Variants in SELENOI observed in about 807,000 individuals in gnomAD.
SELENOI encodes ethanolaminephosphotransferase 1.
Under a neutral mutation model 50.7 loss-of-function variants are expected in SELENOI, and 24 were observed. The observed-to-expected ratio is 0.47, with a 90% CI of 0.34 to 0.67. The LOEUF (loss-of-function observed/expected upper bound fraction) is 0.67. Among genes scored for constraint, SELENOI ranks in the 30% least tolerant of loss-of-function variants. The pLI is 0.01. For synonymous variants in SELENOI, 155 were observed against 170.2 expected, an observed-to-expected ratio of 0.91 and a Z score of 0.70; for missense variants, 352 against 461.4, an observed-to-expected ratio of 0.76 and a Z score of 2.17.
rs184817644 is a variant in SELENOI at position 26,375,025 on chromosome 2, G to A, written c.574-15G>A. 20 of 1,566,732 alleles carry A rather than the reference G, an allele frequency of 1.3e-5. No individual in the cohort carries two copies. The Admixed American group carries it at 3.4e-4, about 26-fold the overall frequency. On this transcript the variant is annotated splice_polypyrimidine_tract_variant and intron_variant, in intron 5 of 9. Transcript: ENST00000260585. ...TTAATGCTTCTGTATGCTTTTGTCT[G>A]CATTTTCCTTCCAGACTATTTCTTT...
intron 6 of SELENOI, among the ~76,000 whole-genome samples, chr2:26,379,547 C>G (rs1308806611): frequency 1.3e-5 from 2 of 152,016 alleles, no homozygotes; most frequent in African/African-American, 4.8e-5. Context: ...TATTGCATCA[C>G]ATTAGGAGGC....
At chr2:26,358,310 C>T (rs1677105413) in intron 1 of SELENOI, among the ~76,000 whole-genome samples, 2 of 152,170 alleles carry the variant, frequency 1.3e-5, no homozygotes, top group African/African-American at 4.8e-5. Context: ...TCGCTTGAAC[C>T]TGGGAGGCGG....
intron 9 of SELENOI, among the ~76,000 whole-genome samples, chr2:26,388,494 T>G (rs1312590361): frequency 1.3e-5 from 2 of 152,326 alleles, no homozygotes; most frequent in African/African-American, 4.8e-5. Context: ...TCACTTGAAC[T>G]GCTGAAATGT....
intron 6 of SELENOI, among the ~76,000 whole-genome samples, chr2:26,382,562 TA>T (rs1280742065): frequency 7.2e-5 from 2 of 27,666 alleles, no homozygotes; most frequent in African/African-American, 2.1e-4. Context: ...TAGCAAATGA[TA>T]AGACAAAGCA....
intron 1 of SELENOI, among the ~76,000 whole-genome samples, chr2:26,353,921 T>G (rs914786729): frequency 3.3e-5 from 5 of 152,056 alleles, no homozygotes; most frequent in Non-Finnish European, 5.9e-5. Context: ...CGGGGAAAGG[T>G]GTGCCATTCA....
chr2:26,346,211 G>A lies in SELENOI; in HGVS notation c.-22G>A, dbSNP rs202217452. 532 of 1,613,614 alleles carry A rather than the reference G, an allele frequency of 3.3e-4. No individual in the cohort carries two copies. The East Asian group carries it at 4.3e-3, about 13-fold the overall frequency. On this transcript the variant is annotated 5_prime_UTR_variant, in exon 1 of 10. Coordinates refer to ENST00000260585, the MANE Select transcript of SELENOI (RefSeq NM_033505.4). ...TGTAGCCGGGAGTCGCTGCCGAGTGGGCGCTCAGTTTTCGGGTCGTCATGG... is the reference window on the plus strand; with the variant it reads ...TGTAGCCGGGAGTCGCTGCCGAGTGAGCGCTCAGTTTTCGGGTCGTCATGG...
intron 4 of SELENOI, among the ~76,000 whole-genome samples, chr2:26,370,499 A>G (rs1346533458): frequency 7.0e-6 from 1 of 142,350 alleles, no homozygotes. Flanking sequence ...TGACCCCCCC[A>G]CCTCCCTCCC....
Position 26,370,558 on chromosome 2 carries a change from GCCACCGGGCAGAGGCGCCCC to G in SELENOI, c.311-2808_311-2789del. ...AGGGGCTCCTCACGTCCCAGTAGGG[GCCACCGGGCAGAGGCGCCCC>G]TCACCTCCCGGACGGGGCGGCTGGC... On this transcript the variant is annotated intron_variant, in intron 4 of 9. Transcript: ENST00000260585. Among the ~76,000 whole-genome samples, 13 of 105,980 alleles carry G rather than the reference GCCACCGGGCAGAGGCGCCCC, an allele frequency of 1.2e-4. 1 individual carries two copies. The highest frequency in any genetic ancestry group is 4.4e-4 in the African/African-American group (13 of 29,720). The allele number at this position is 105,980 out of a possible 152,430, so 69.5% of individuals were successfully genotyped here.
rs1677951108 is a variant in SELENOI, at chr2:26,390,967, T to A, written c.*1864T>A. 1.3e-5 allele frequency: 2 copies of A among 152,232 alleles called. No individual in the cohort carries two copies. Among genetic ancestry groups the A allele is most frequent in the African/African-American group, 4.8e-5 (2 of 41,460 alleles). 9.4% of individuals were successfully genotyped at this position (152,232 alleles called of 1,614,324 possible). A position where few individuals can be genotyped will look rare whatever the true frequency, so the allele number is the denominator to read the frequency against. ...ACCTTGTACACAAGAATGAGATTAATCTGTATTATATAAGAAAAGAACTGA... is the reference window on the plus strand; with the variant it reads ...ACCTTGTACACAAGAATGAGATTAAACTGTATTATATAAGAAAAGAACTGA... On this transcript the variant is annotated 3_prime_UTR_variant, in exon 10 of 10. Coordinates refer to ENST00000260585, the MANE Select transcript of SELENOI (RefSeq NM_033505.4).
At chr2:26,381,181 ATC>A (rs1267923729) in intron 6 of SELENOI, among the ~76,000 whole-genome samples, 1 of 65,384 alleles carries the variant, frequency 1.5e-5, no homozygotes, top group African/African-American at 7.3e-5. Flanking sequence ...CTTGGATTGT[ATC>A]TCCTTCAGTT....
chr2:26,364,918 T>C lies in SELENOI; in HGVS notation c.213T>C (p.Phe71=), dbSNP rs1223860099. ...TCAATTTTCTGCTAATGGCATACTT[T>C]GATCCTGACTTTTATGCCTCAGGTA... The part of the protein sequence containing the change: ...VVFNFLLMAY[F]DPDFYASAPG... The change falls in exon 3 of 10, where the codon TTT becomes TTC. Residue 71 remains phenylalanine (F), a synonymous_variant. Transcript: ENST00000260585. 8 of 1,604,642 alleles carry C rather than the reference T, an allele frequency of 5.0e-6. No homozygotes were observed.
chr2:26,382,705 A>G (rs978904685), intron 6 of SELENOI, among the ~76,000 whole-genome samples: 2 of 152,110 alleles, frequency 1.3e-5, no homozygotes, highest in Non-Finnish European at 2.9e-5. Context: ...TGAAAATGCT[A>G]GGAAGACTGG....
intron 1 of SELENOI, among the ~76,000 whole-genome samples, chr2:26,350,042 A>C (rs1404189384): frequency 6.6e-6 from 1 of 151,018 alleles, no homozygotes; most frequent in African/African-American, 2.4e-5. Context: ...CTGGAAGTTG[A>C]GCTGCAGTGA....
chr2:26,367,292 A>C (rs1345635216), intron 4 of SELENOI, 72 bp downstream of exon 4: 33 of 1,171,950 alleles, frequency 2.8e-5, no homozygotes, highest in Non-Finnish European at 4.0e-5. Flanking sequence ...TATTAAAATA[A>C]CATTTTCTCC....
chr2:26,387,129 A>G (rs1677859577), intron 9 of SELENOI, among the ~76,000 whole-genome samples: 1 of 152,216 alleles, frequency 6.6e-6, no homozygotes, highest in South Asian at 2.1e-4. Context: ...ATAAGGGGAA[A>G]TATAGAAGAA....
chr2:26,373,160 A>G (rs61409472), intron 4 of SELENOI, among the ~76,000 whole-genome samples: 35 of 152,360 alleles, frequency 2.3e-4, no homozygotes, highest in Non-Finnish European at 4.7e-4. Flanking sequence ...AAGTGTGGGG[A>G]TTACAGGTGT....
chr2:26,395,750 A>G lies in SELENOI; in HGVS notation c.*6647A>G, dbSNP rs1385654361. On this transcript the variant is annotated 3_prime_UTR_variant, in exon 10 of 10. Coordinates refer to ENST00000260585, the MANE Select transcript of SELENOI (RefSeq NM_033505.4). ...GGATTCTGGAAGCCTTGCCCTTTCA[A>G]CTGGATTTATGTTTGTTTCTGCTGC... The G allele has an allele frequency of 2.0e-5, 3 of 152,632 alleles. No homozygotes were observed. The highest frequency in any genetic ancestry group is 4.8e-5 in the African/African-American group (2 of 41,444). 9.5% of individuals were successfully genotyped at this position (152,632 alleles called of 1,614,324 possible). A position where few individuals can be genotyped will look rare whatever the true frequency, so the allele number is the denominator to read the frequency against.
In SELENOI at chr2:26,385,068, C is replaced by G. The variant is rs1180573963; in HGVS notation, c.841C>G (p.Pro281Ala). ...ILSTAWILWS[P>A]SDILELHPRV... ...GTCTACAGCGTGGATCCTTTGGTCA[C>G]CTTCAGATATTTTAGAGCTACATCC... The change falls in exon 8 of 10, where the codon CCT (proline) becomes GCT (alanine). Residue 281 changes from proline (P) to alanine (A), a missense_variant. Physicochemically the swap from Pro to Ala is conservative, Grantham distance 27. Transcript: ENST00000260585. 1.9e-6 allele frequency: 3 copies of G among 1,612,604 alleles called. No individual in the cohort carries two copies. The highest frequency in any genetic ancestry group is 2.5e-6 in the Non-Finnish European group (3 of 1,179,324).
At chr2:26,367,911 A>G (rs1677318948) in intron 4 of SELENOI, among the ~76,000 whole-genome samples, 1 of 152,048 alleles carries the variant, frequency 6.6e-6, no homozygotes, top group Non-Finnish European at 1.5e-5. Context: ...AGCACTTAAA[A>G]CCATGTAACA....
Sources: allele counts gnomAD v4.1 joint callset (sites outside exome capture counted in the v4.1 genomes callset), GRCh38; gene constraint gnomAD v4.1.1; transcripts MANE v1.5; gene names NCBI Gene and HGNC (gene_info 2026-07-23, HGNC 2026-07-21).